COL25A1: variants seen among roughly 807,000 people sequenced by gnomAD.
The protein encoded by COL25A1 is collagen type XXV alpha 1 chain.
Under a neutral mutation model 128.4 loss-of-function variants are expected in COL25A1, and 103 were observed. That is an observed-to-expected ratio of 0.80 (90% CI 0.68 to 0.94). The LOEUF (loss-of-function observed/expected upper bound fraction) is 0.94. Among genes scored for constraint, COL25A1 ranks in the 40% least tolerant of loss-of-function variants. The pLI is 0.00. For missense variants in COL25A1, 745 were observed against 840.0 expected, an observed-to-expected ratio of 0.89 and a Z score of 1.40; for synonymous variants, 279 against 277.2, an observed-to-expected ratio of 1.01 and a Z score of -0.06.
At chr4:109,256,696 A>G (rs1171591913) in intron 3 of COL25A1, among the ~76,000 whole-genome samples, 1 of 152,122 alleles carries the variant, frequency 6.6e-6, no homozygotes, top group Non-Finnish European at 1.5e-5. Flanking sequence ...AAAAAGACCT[A>G]AGTTGACCTC....
chr4:109,246,727 T>G (rs1780291666), intron 3 of COL25A1, among the ~76,000 whole-genome samples: 1 of 152,152 alleles, frequency 6.6e-6, no homozygotes, highest in Non-Finnish European at 1.5e-5. Context: ...TCTTACCTAT[T>G]CTGTGTTAAA....
chr4:109,208,702 A>G (rs951788721), intron 3 of COL25A1, among the ~76,000 whole-genome samples: 2 of 152,152 alleles, frequency 1.3e-5, no homozygotes, highest in South Asian at 4.1e-4. Context: ...TCCATTTTAG[A>G]GAGGAGGCAC....
In COL25A1 at chr4:109,300,219, C is replaced by T. The variant is rs536856401; in HGVS notation, c.367+364G>A. On this transcript the variant is annotated intron_variant, in intron 3 of 37. Coordinates refer to ENST00000399132, the MANE Select transcript of COL25A1 (RefSeq NM_198721.4). ...AAACTCTGCACTAACACAATAAGAG[C>T]GAGCCAGGAATTCAGAATCTAACAG... Among the ~76,000 whole-genome samples, 7 of 151,062 alleles carry T rather than the reference C, an allele frequency of 4.6e-5. No individual in the cohort carries two copies. In the East Asian group the frequency reaches 1.4e-3, roughly 29 times the overall value.
chr4:109,169,567 A>C (rs536396772), intron 3 of COL25A1, among the ~76,000 whole-genome samples: 3 of 152,286 alleles, frequency 2.0e-5, no homozygotes, highest in Admixed American at 2.0e-4. Context: ...GATTTTTCTT[A>C]AGACATATTC....
At chr4:109,241,421 C>A (rs1286849387) in intron 3 of COL25A1, among the ~76,000 whole-genome samples, 3 of 151,896 alleles carry the variant, frequency 2.0e-5, no homozygotes, top group African/African-American at 7.2e-5. Flanking sequence ...TTTGTGCAAT[C>A]TTTAAAATAA....
At chr4:109,119,225 AT>A (rs1200371671) in intron 3 of COL25A1, among the ~76,000 whole-genome samples, 3 of 152,032 alleles carry the variant, frequency 2.0e-5, no homozygotes, top group Non-Finnish European at 2.9e-5. Flanking sequence ...TTAGAGGAAA[AT>A]TTATAGCATT....
intron 3 of COL25A1, among the ~76,000 whole-genome samples, chr4:109,060,765 C>A (rs1488014282): frequency 6.6e-6 from 1 of 151,664 alleles, no homozygotes; most frequent in Non-Finnish European, 1.5e-5. Context: ...TGTCATGACA[C>A]AATTTTTCAT....
At chr4:109,073,619 T>G (rs372431216) in intron 3 of COL25A1, among the ~76,000 whole-genome samples, 13 of 152,344 alleles carry the variant, frequency 8.5e-5, no homozygotes, top group African/African-American at 3.1e-4. Flanking sequence ...TTGTGTGGTC[T>G]ACTGATAATC....
intron 11 of COL25A1, among the ~76,000 whole-genome samples, chr4:108,936,606 T>C (rs1747444108): frequency 6.6e-6 from 1 of 151,660 alleles, no homozygotes; most frequent in South Asian, 2.1e-4. Context: ...ATATTACAGG[T>C]CAGGAACAGA....
At chr4:109,067,332 T>G (rs1052350215) in intron 3 of COL25A1, among the ~76,000 whole-genome samples, 4 of 152,196 alleles carry the variant, frequency 2.6e-5, no homozygotes. Context: ...TACCCATACT[T>G]TTTGAATGTA....
chr4:108,895,573 T>C (rs1372448980), intron 16 of COL25A1, among the ~76,000 whole-genome samples: 1 of 152,204 alleles, frequency 6.6e-6, no homozygotes, highest in Non-Finnish European at 1.5e-5. Flanking sequence ...TAAATGCTAA[T>C]AATGGTTTAA....
chr4:108,951,241 C>T (rs1183471509), intron 8 of COL25A1, among the ~76,000 whole-genome samples: 1 of 152,034 alleles, frequency 6.6e-6, no homozygotes, highest in African/African-American at 2.4e-5. Context: ...AACGAAGGTG[C>T]CATGCCATGT....
chr4:108,896,542 A>G, intron 16 of COL25A1, 125 bp downstream of exon 16: 2 of 677,208 alleles, frequency 3.0e-6, no homozygotes, highest in South Asian at 2.2e-5. Context: ...AATCTTGGAG[A>G]ATGATCTCTG....
chr4:109,082,923 GCTC>G (rs964003208), intron 3 of COL25A1, among the ~76,000 whole-genome samples: 30 of 152,176 alleles, frequency 2.0e-4, no homozygotes, highest in African/African-American at 6.5e-4. Context: ...ACAAAATAAT[GCTC>G]CTTTTTCCTA....
chr4:108,905,354 G>C (rs1325399716), intron 13 of COL25A1, among the ~76,000 whole-genome samples: 1 of 151,832 alleles, frequency 6.6e-6, no homozygotes, highest in Non-Finnish European at 1.5e-5. Context: ...TATTATTCTT[G>C]AAATATTAAT....
At chr4:108,848,680 C>T (rs1735395714) in intron 27 of COL25A1, 79 bp downstream of exon 27, 2 of 956,208 alleles carry the variant, frequency 2.1e-6, no homozygotes, top group Admixed American at 3.5e-5. Flanking sequence ...ATGCTCATGA[C>T]ATTTTGGCTT....
intron 11 of COL25A1, among the ~76,000 whole-genome samples, chr4:108,931,501 T>A (rs1746737253): frequency 6.6e-6 from 1 of 152,202 alleles, no homozygotes; most frequent in Non-Finnish European, 1.5e-5. Context: ...AGACTGTCTT[T>A]CTGCTACATA....
At chr4:109,166,570 C>T (rs975399572) in intron 3 of COL25A1, among the ~76,000 whole-genome samples, 4 of 152,190 alleles carry the variant, frequency 2.6e-5, no homozygotes, top group Admixed American at 6.5e-5. Flanking sequence ...GGAACAGGTG[C>T]TATGTCTTCC....
intron 31 of COL25A1, among the ~76,000 whole-genome samples, chr4:108,837,415 T>A (rs1035190573): frequency 6.6e-6 from 1 of 152,142 alleles, no homozygotes; most frequent in African/African-American, 2.4e-5. Context: ...AATAACAATT[T>A]AAAAAAATCT....
Sources: allele counts gnomAD v4.1 joint callset (sites outside exome capture counted in the v4.1 genomes callset), GRCh38; gene constraint gnomAD v4.1.1; transcripts MANE v1.5; gene names NCBI Gene and HGNC (gene_info 2026-07-23, HGNC 2026-07-21).